The following WDR41 variants were observed in gnomAD, a reference collection of about 807,000 sequenced individuals.
WDR41 encodes WD repeat-containing protein 41.
Under a neutral mutation model 69.3 loss-of-function variants are expected in WDR41, and 63 were observed. The ratio of observed to expected loss-of-function variants is 0.91; its 90% CI spans 0.74 to 1.12. The LOEUF (loss-of-function observed/expected upper bound fraction) is 1.12. Among genes scored for constraint, WDR41 ranks in the 50% most tolerant of loss-of-function variants. The pLI is 0.00. For missense variants in WDR41, 543 were observed against 534.5 expected (o/e 1.02, Z -0.16); for synonymous variants, 185 against 192.1 (o/e 0.96, Z 0.31).
chr5:77,609,191 C>A (rs1274483914), intron 1 of WDR41, among the ~76,000 whole-genome samples: 1 of 152,238 alleles, frequency 6.6e-6, no homozygotes, highest in Non-Finnish European at 1.5e-5. Context: ...CACAAGGAGG[C>A]CTGCCTGCAT....
chr5:77,539,915 T>G (rs147828224), intron 1 of WDR41, among the ~76,000 whole-genome samples: 157 of 152,232 alleles, frequency 1.0e-3, no homozygotes, highest in Non-Finnish European at 1.8e-3. Context: ...CCCAACAAAT[T>G]TATGGCAGTC....
At chr5:77,446,026 C>T (rs761859728) in intron 8 of WDR41, among the ~76,000 whole-genome samples, 1 of 152,138 alleles carries the variant, frequency 6.6e-6, no homozygotes. Context: ...TAGAAAACCC[C>T]ATCATCTCAG....
intron 1 of WDR41, among the ~76,000 whole-genome samples, chr5:77,567,438 A>T (rs1249353829): frequency 6.6e-6 from 1 of 152,040 alleles, no homozygotes; most frequent in Non-Finnish European, 1.5e-5. Context: ...GTACATTTGC[A>T]AGAAGGCTGG....
At chr5:77,598,158 C>T (rs954675223) in intron 1 of WDR41, among the ~76,000 whole-genome samples, 2 of 152,180 alleles carry the variant, frequency 1.3e-5, no homozygotes, top group South Asian at 2.1e-4. Context: ...AGGTTAAATG[C>T]TAGTGTCTAG....
In WDR41 at chr5:77,592,864, TC is replaced by T. The variant is rs140539836; in HGVS notation, c.42+27614del. Among the ~76,000 whole-genome samples, 439 of 152,330 alleles carry T rather than the reference TC, an allele frequency of 2.9e-3. 4 individuals carry two copies. Among genetic ancestry groups the T allele is most frequent in the African/African-American group, 9.8e-3 (409 of 41,572 alleles). ...TGTGATTGACCTTAGCTAATCAGTT[TC>T]CAGTCCCTCCACCTCAGAGGTCAAA... On this transcript the variant is annotated intron_variant, in intron 1 of 5. Coordinates refer to the WDR41 transcript ENST00000509971.
chr5:77,497,787 T>C (rs1180682346), intron 1 of WDR41, among the ~76,000 whole-genome samples: 1 of 152,178 alleles, frequency 6.6e-6, no homozygotes, highest in African/African-American at 2.4e-5. Context: ...CAACAGATAT[T>C]TGGGCCAATG....
At chr5:77,528,015 A>G (rs1054430315) in intron 1 of WDR41, among the ~76,000 whole-genome samples, 8 of 151,808 alleles carry the variant, frequency 5.3e-5, no homozygotes, top group African/African-American at 1.9e-4. Context: ...AGAAGTTAGG[A>G]AAAGCACAGC....
At chr5:77,438,386 G>A (rs777768207) in intron 9 of WDR41, 25 bp from the exon 10 acceptor site, 2 of 1,612,504 alleles carry the variant, frequency 1.2e-6, no homozygotes, top group Non-Finnish European at 1.7e-6. Flanking sequence ...TCAGAAATGG[G>A]CATAAAACTA....
intron 1 of WDR41, among the ~76,000 whole-genome samples, chr5:77,516,820 C>T (rs1265196213): frequency 6.6e-6 from 1 of 151,972 alleles, no homozygotes; most frequent in African/African-American, 2.4e-5. Context: ...AGATTGAGAC[C>T]ATCCTGATTA....
At chr5:77,449,342 C>G (rs1007026954) in intron 8 of WDR41, among the ~76,000 whole-genome samples, 1 of 152,156 alleles carries the variant, frequency 6.6e-6, no homozygotes, top group Non-Finnish European at 1.5e-5. Context: ...GGCTTGAATC[C>G]TGCTCATTCT....
At chr5:77,533,455 T>C (rs1418853586) in intron 1 of WDR41, among the ~76,000 whole-genome samples, 2 of 152,226 alleles carry the variant, frequency 1.3e-5, no homozygotes, top group Non-Finnish European at 2.9e-5. Flanking sequence ...ATGCCCTTTA[T>C]GTAATGTAAA....
intron 1 of WDR41, among the ~76,000 whole-genome samples, chr5:77,608,670 AT>A (rs1465657381): frequency 1.3e-5 from 2 of 152,138 alleles, no homozygotes; most frequent in African/African-American, 2.4e-5. Context: ...GAGGTTACAG[AT>A]TTCGCAAGAA....
chr5:77,563,783 G>T (rs1207376505), intron 1 of WDR41, among the ~76,000 whole-genome samples: 3 of 152,106 alleles, frequency 2.0e-5, no homozygotes, highest in African/African-American at 7.2e-5. Context: ...GTAAGAAATA[G>T]AATGCAAAAT....
chr5:77,596,549 A>C (rs1744231568), intron 1 of WDR41, among the ~76,000 whole-genome samples: 1 of 151,954 alleles, frequency 6.6e-6, no homozygotes, highest in Non-Finnish European at 1.5e-5. Context: ...TCTAAATTGA[A>C]ATGGAGTCTT....
intron 1 of WDR41, among the ~76,000 whole-genome samples, chr5:77,581,848 G>A (rs1023152981): frequency 1.3e-5 from 2 of 152,162 alleles, no homozygotes; most frequent in Non-Finnish European, 2.9e-5. Context: ...AGCTAAAGCA[G>A]TGCTTAGAAG....
chr5:77,475,127 A>G (rs1265061474), intron 2 of WDR41, among the ~76,000 whole-genome samples: 1 of 152,214 alleles, frequency 6.6e-6, no homozygotes, highest in African/African-American at 2.4e-5. Context: ...AAAACGGCGC[A>G]CCAGGAGATT....
At chr5:77,447,920 T>A (rs556579906) in intron 8 of WDR41, among the ~76,000 whole-genome samples, 8 of 152,346 alleles carry the variant, frequency 5.3e-5, no homozygotes, top group Non-Finnish European at 1.2e-4. Flanking sequence ...CAGTAAAAAG[T>A]GCATGAGGCT....
intron 2 of WDR41, among the ~76,000 whole-genome samples, chr5:77,480,817 A>T (rs1426633318): frequency 9.2e-6 from 1 of 109,072 alleles, no homozygotes; most frequent in Non-Finnish European, 1.7e-5. Flanking sequence ...TAAAACTTAA[A>T]GTATAATTAA....
At chr5:77,611,540 C>G (rs1275082757) in intron 1 of WDR41, among the ~76,000 whole-genome samples, 2 of 152,234 alleles carry the variant, frequency 1.3e-5, no homozygotes, top group Admixed American at 6.5e-5. Flanking sequence ...ACTGAACAAC[C>G]TGCTCCTGAA....
Sources: gnomAD v4.1 joint callset for allele counts (sites outside exome capture counted in the v4.1 genomes callset) on GRCh38, gnomAD v4.1.1 for gene constraint, MANE v1.5 for transcripts, NCBI Gene and HGNC (gene_info 2026-07-23, HGNC 2026-07-21) for gene names.